Variants in CYRIB observed in about 807,000 individuals in gnomAD.
CYRIB encodes CYFIP related Rac1 interactor B.
CYRIB carries 8 observed loss-of-function variants against 44.2 expected under a neutral mutation model. That is an observed-to-expected ratio of 0.18 (90% CI 0.11 to 0.33). The LOEUF is 0.33. Ranked by LOEUF, CYRIB falls within the 10% of genes least tolerant of loss-of-function variation. The pLI is 1.00. For synonymous variants in CYRIB, 131 were observed against 127.2 expected (o/e 1.03, Z -0.20); for missense variants, 185 against 382.8 (o/e 0.48, Z 4.31).
At chr8:129,966,787 T>C (rs771726054) in intron 2 of CYRIB, among the ~76,000 whole-genome samples, 216 of 152,262 alleles carry the variant, frequency 1.4e-3, no homozygotes, top group Non-Finnish European at 2.6e-3. Flanking sequence ...CACTGCCACC[T>C]GGGTTCAAAC....
intron 1 of CYRIB, among the ~76,000 whole-genome samples, chr8:129,993,161 C>T (rs781283531): frequency 1.9e-4 from 29 of 152,038 alleles, no homozygotes; most frequent in African/African-American, 3.1e-4. Context: ...GAGGCCAAGG[C>T]GGGTGGATCA....
chr8:129,868,522 G>A (rs2055117034), intron 4 of CYRIB: 1 of 151,740 alleles, frequency 6.6e-6, no homozygotes, highest in South Asian at 2.1e-4. Context: ...TTTAAACTTG[G>A]AGACACTTAC....
In CYRIB at chr8:129,865,470, G is replaced by A. The variant is rs906631161; in HGVS notation, c.196-3136C>T. On this transcript the variant is annotated intron_variant, in intron 4 of 11. Transcript: ENST00000519824. ...CCTTAACCCTATGTCGTGATCATAC[G>A]TAGAAAAACATGGACTCAAATAGAA... 5.3e-5 allele frequency among the ~76,000 whole-genome samples: 8 copies of A among 152,304 alleles called. No homozygotes were observed. In the South Asian group the frequency reaches 1.0e-3, roughly 20 times the overall value.
chr8:129,862,128 A>T (rs2050074742), intron 5 of CYRIB, 101 bp downstream of exon 7: 1 of 809,828 alleles, frequency 1.2e-6, no homozygotes, highest in Non-Finnish European at 2.0e-6. Context: ...ACAGATACTA[A>T]GCCAAATTCA....
At chr8:129,906,249 C>T (rs1480631951) in intron 1 of CYRIB, among the ~76,000 whole-genome samples, 1 of 152,168 alleles carries the variant, frequency 6.6e-6, no homozygotes, top group Non-Finnish European at 1.5e-5. Context: ...GGTACCAAAA[C>T]AGAGATATAG....
intron 5 of CYRIB, among the ~76,000 whole-genome samples, chr8:129,857,842 T>G (rs917779098): frequency 6.6e-6 from 1 of 152,232 alleles, no homozygotes; most frequent in Non-Finnish European, 1.5e-5. Flanking sequence ...AATATTATTA[T>G]AGTCTGTTAA....
chr8:129,952,028 G>A (rs1401089468), intron 2 of CYRIB, among the ~76,000 whole-genome samples: 1 of 147,752 alleles, frequency 6.8e-6, no homozygotes, highest in Admixed American at 7.0e-5. Flanking sequence ...ATCATAAAAT[G>A]CAAAAATTAC....
chr8:129,862,267 C>T (rs1316812683), exon 5 of CYRIB: 2 of 1,613,628 alleles, frequency 1.2e-6, no homozygotes, highest in Non-Finnish European at 1.7e-6. Context: ...CTTTAATTTG[C>T]CTACTAGTGG....
chr8:129,861,036 G>A (rs1218763265), intron 5 of CYRIB, among the ~76,000 whole-genome samples: 3 of 152,072 alleles, frequency 2.0e-5, no homozygotes, highest in Non-Finnish European at 4.4e-5. Flanking sequence ...TCTGGCTTAT[G>A]TATTTAAAAA....
At chr8:129,925,200 C>T (rs768106718) in intron 1 of CYRIB, among the ~76,000 whole-genome samples, 2 of 152,040 alleles carry the variant, frequency 1.3e-5, no homozygotes, top group Non-Finnish European at 2.9e-5. Context: ...GAGTTCTAGA[C>T]CAGCCTGGCC....
chr8:129,936,759 T>A (rs1459945009), intron 1 of CYRIB, among the ~76,000 whole-genome samples: 2 of 144,762 alleles, frequency 1.4e-5, no homozygotes, highest in Non-Finnish European at 3.0e-5. Flanking sequence ...CAGGCTGGAG[T>A]GCAGTGGCGA....
At chr8:129,860,358 G>A (rs1190559791) in intron 5 of CYRIB, among the ~76,000 whole-genome samples, 3 of 152,152 alleles carry the variant, frequency 2.0e-5, no homozygotes, top group Non-Finnish European at 2.9e-5. Flanking sequence ...AGAAACCAGC[G>A]TAAGAAAAGC....
intron 1 of CYRIB, among the ~76,000 whole-genome samples, chr8:129,929,844 G>C (rs1184519162): frequency 6.6e-6 from 1 of 152,130 alleles, no homozygotes; most frequent in African/African-American, 2.4e-5. Context: ...AATTGTTTTA[G>C]GGTACCGGTA....
intron 1 of CYRIB, among the ~76,000 whole-genome samples, chr8:129,925,288 C>T (rs911921626): frequency 1.3e-5 from 2 of 152,134 alleles, no homozygotes; most frequent in African/African-American, 4.8e-5. Context: ...GTCTCAGCCA[C>T]TCAGGAGGCT....
intron 1 of CYRIB, among the ~76,000 whole-genome samples, chr8:129,981,473 G>A (rs780727631): frequency 2.0e-5 from 3 of 152,120 alleles, no homozygotes; most frequent in Non-Finnish European, 2.9e-5. Context: ...TTTTTTAAGT[G>A]GAGACATGGA....
At chr8:129,886,794 C>T (rs1282128049) in intron 2 of CYRIB, among the ~76,000 whole-genome samples, 1 of 152,114 alleles carries the variant, frequency 6.6e-6, no homozygotes, top group East Asian at 1.9e-4. Context: ...TAAAGGGCAG[C>T]ACGTCTCACC....
chr8:129,844,457 G>A (rs1397729462), intron 11 of CYRIB: 2 of 152,006 alleles, frequency 1.3e-5, no homozygotes, highest in Admixed American at 6.6e-5. Context: ...TTCCAAGTGC[G>A]ACTGTTTTAC....
chr8:130,006,196 A>G (rs113276828), intron 1 of CYRIB, among the ~76,000 whole-genome samples: 7,982 of 152,064 alleles, frequency 0.052, 290 homozygotes, highest in Non-Finnish European at 0.077. Flanking sequence ...CCAGCTACTC[A>G]GGAGGCTGAG....
intron 3 of CYRIB, among the ~76,000 whole-genome samples, chr8:129,877,388 C>G (rs753108492): frequency 6.6e-6 from 1 of 152,172 alleles, no homozygotes; most frequent in African/African-American, 2.4e-5. Flanking sequence ...TAGCTCACAC[C>G]TGTAATCCCA....
Sources: allele counts gnomAD v4.1 joint callset (sites outside exome capture counted in the v4.1 genomes callset), GRCh38; gene constraint gnomAD v4.1.1; transcripts MANE v1.5; gene names NCBI Gene and HGNC (gene_info 2026-07-23, HGNC 2026-07-21).